Variants in ADGRL3 observed in about 807,000 individuals in gnomAD.
ADGRL3 encodes the protein calcium-independent alpha-latrotoxin receptor 3.
In ADGRL3, 62 loss-of-function variants were observed where a neutral mutation model predicts 153.5. The ratio of observed to expected loss-of-function variants is 0.40; its 90% CI spans 0.33 to 0.50. The LOEUF is 0.50. Among genes scored for constraint, ADGRL3 ranks in the 20% least tolerant of loss-of-function variants. The probability of loss-of-function intolerance (pLI) is 0.47; values close to 1 mark genes in which losing one functional copy is unlikely to be tolerated. For synonymous variants in ADGRL3, 710 were observed against 672.5 expected (o/e 1.06, Z -0.86); for missense variants, 1,641 against 1,859.4 (o/e 0.88, Z 2.16).
chr4:61,779,195 T>C (rs189317631), intron 8 of ADGRL3, among the ~76,000 whole-genome samples: 1 of 152,310 alleles, frequency 6.6e-6, no homozygotes, highest in African/African-American at 2.4e-5. Context: ...TGTCCTATCA[T>C]ATTCATTTGT....
chr4:61,780,067 T>G (rs1040522668), intron 8 of ADGRL3, among the ~76,000 whole-genome samples: 1 of 152,224 alleles, frequency 6.6e-6, no homozygotes, highest in Admixed American at 6.5e-5. Flanking sequence ...TATCTTAGCA[T>G]GAGTAAGTGT....
chr4:61,583,429 T>C (rs2098934083), intron 4 of ADGRL3, among the ~76,000 whole-genome samples: 2 of 151,952 alleles, frequency 1.3e-5, no homozygotes, highest in Admixed American at 1.3e-4. Flanking sequence ...TGACAAGAGG[T>C]TTCAATAATG....
At position 61,234,595 on chromosome 4, in the gene ADGRL3, A is replaced by G. The variant is rs529434360; in HGVS notation, c.-240+32830A>G. ...ATGGAGAACTCTGATATTAGAGGAT[A>G]GAAATCAGAAGACGGAAATCAGAAG... On this transcript the variant is annotated intron_variant, in intron 1 of 26. Transcript: ENST00000683033. Among the ~76,000 whole-genome samples the G allele has an allele frequency of 1.5e-4, 23 of 152,334 alleles. No individual in the cohort carries two copies. The South Asian group carries it at 4.8e-3, about 32-fold the overall frequency.
chr4:61,884,432 T>TTGTTG (rs1203054111), intron 9 of ADGRL3, among the ~76,000 whole-genome samples: 5 of 152,142 alleles, frequency 3.3e-5, no homozygotes, highest in African/African-American at 1.2e-4. Context: ...TATTGTTTCC[T>TTGTTG]TGTTGTTTAT....
intron 1 of ADGRL3, among the ~76,000 whole-genome samples, chr4:61,312,357 G>A (rs1416668883): frequency 6.6e-6 from 1 of 152,104 alleles, no homozygotes; most frequent in African/African-American, 2.4e-5. Flanking sequence ...AGGTGACCTT[G>A]AGTTTGACAA....
intron 6 of ADGRL3, among the ~76,000 whole-genome samples, chr4:61,694,098 A>G (rs2095589718): frequency 6.7e-6 from 1 of 149,494 alleles, no homozygotes; most frequent in Non-Finnish European, 1.5e-5. Flanking sequence ...TGTATCTTCT[A>G]TATTTTATCT....
At chr4:61,204,785 T>TC (rs755015675) in intron 1 of ADGRL3, among the ~76,000 whole-genome samples, 1 of 152,144 alleles carries the variant, frequency 6.6e-6, no homozygotes, top group Non-Finnish European at 1.5e-5. Context: ...GCATCAGGCA[T>TC]CCCCGGCCTG....
intron 2 of ADGRL3, among the ~76,000 whole-genome samples, chr4:61,492,207 T>C (rs925796168): frequency 1.3e-5 from 2 of 152,104 alleles, no homozygotes; most frequent in African/African-American, 2.4e-5. Flanking sequence ...ATGACAAATA[T>C]GAGTAAATAT....
At chr4:61,868,985 AGCAGCTCACTGCAGCCTCGTGATG>A (rs2098419294) in intron 9 of ADGRL3, among the ~76,000 whole-genome samples, 1 of 152,130 alleles carries the variant, frequency 6.6e-6, no homozygotes, top group Non-Finnish European at 1.5e-5. Flanking sequence ...GCTAGAGTAT[AGCAGCTCACTGCAGCCTCGTGATG>A]GCAGCTCACT....
intron 2 of ADGRL3, among the ~76,000 whole-genome samples, chr4:61,409,573 A>G (rs2097058398): frequency 6.6e-6 from 1 of 151,294 alleles, no homozygotes; most frequent in Non-Finnish European, 1.5e-5. Context: ...AATCATACAA[A>G]AGAAAGGCAT....
At chr4:61,609,358 G>A (rs1412981177) in intron 5 of ADGRL3, among the ~76,000 whole-genome samples, 1 of 152,162 alleles carries the variant, frequency 6.6e-6, no homozygotes, top group South Asian at 2.1e-4. Flanking sequence ...ATAATATGCT[G>A]TATGTACTAT....
At chr4:61,466,616 G>A (rs2097887486) in intron 2 of ADGRL3, among the ~76,000 whole-genome samples, 1 of 152,114 alleles carries the variant, frequency 6.6e-6, no homozygotes, top group African/African-American at 2.4e-5. Context: ...GTTGTATGAG[G>A]TCAGAGATTT....
intron 4 of ADGRL3, chr4:61,583,639 C>T (rs745525229): frequency 9.7e-6 from 5 of 517,126 alleles, no homozygotes; most frequent in Admixed American, 3.9e-5. Flanking sequence ...GAGGTTCTGA[C>T]ATCTTTATCA....
chr4:61,556,459 G>A (rs1487069089), intron 4 of ADGRL3, among the ~76,000 whole-genome samples: 1 of 152,074 alleles, frequency 6.6e-6, no homozygotes, highest in Non-Finnish European at 1.5e-5. Flanking sequence ...GGTGGGAGGT[G>A]TTAGGGCAGA....
At chr4:61,388,198 A>G (rs75296329) in intron 2 of ADGRL3, among the ~76,000 whole-genome samples, 75 of 152,302 alleles carry the variant, frequency 4.9e-4, no homozygotes, top group African/African-American at 1.3e-3. Flanking sequence ...GACCTTGGGC[A>G]TGGTATCTAT....
chr4:61,413,920 T>A (rs2097116428), intron 2 of ADGRL3, among the ~76,000 whole-genome samples: 1 of 152,228 alleles, frequency 6.6e-6, no homozygotes, highest in South Asian at 2.1e-4. Flanking sequence ...TCCTCCTTTA[T>A]TCACAGAGAA....
intron 25 of ADGRL3, among the ~76,000 whole-genome samples, chr4:62,045,696 T>G (rs922411988): frequency 3.9e-5 from 6 of 151,956 alleles, no homozygotes; most frequent in Non-Finnish European, 8.8e-5. Flanking sequence ...TAATTGAGTT[T>G]CATGTATTAT....
chr4:62,011,136 C>T (rs929368133), intron 21 of ADGRL3, among the ~76,000 whole-genome samples: 1 of 151,984 alleles, frequency 6.6e-6, no homozygotes, highest in East Asian at 1.9e-4. Context: ...GTATTTGATT[C>T]CATAGGGGAG....
chr4:61,985,615 T>A (rs1218858484), intron 19 of ADGRL3, among the ~76,000 whole-genome samples: 1 of 152,136 alleles, frequency 6.6e-6, no homozygotes, highest in African/African-American at 2.4e-5. Flanking sequence ...AGCTTGCTTC[T>A]CAGAAGTGAG....
Sources: allele counts gnomAD v4.1 joint callset (sites outside exome capture counted in the v4.1 genomes callset), GRCh38; gene constraint gnomAD v4.1.1; transcripts MANE v1.5; gene names NCBI Gene and HGNC (gene_info 2026-07-23, HGNC 2026-07-21).